Variants in TAF12 observed in about 807,000 individuals in gnomAD.
TAF12 encodes the protein TATA-box binding protein associated factor 12.
TAF12 carries 3 observed loss-of-function variants against 20.8 expected under a neutral mutation model. That is an observed-to-expected ratio of 0.14 (90% CI 0.07 to 0.37). The LOEUF (loss-of-function observed/expected upper bound fraction) is 0.37, where lower values mean the gene tolerates loss of function less well. Ranked by LOEUF, TAF12 falls within the 10% of genes least tolerant of loss-of-function variation. TAF12 has a pLI of 1.00. For missense variants in TAF12, 131 were observed against 197.9 expected (o/e 0.66, Z 2.03); for synonymous variants, 69 against 70.2 (o/e 0.98, Z 0.09).
chr1:28,632,772 T>C (rs1256769605), intron 1 of TAF12, among the ~76,000 whole-genome samples: 2 of 152,150 alleles, frequency 1.3e-5, no homozygotes, highest in African/African-American at 2.4e-5. Context: ...GTTCTGTATC[T>C]TGAGTGTTGT....
chr1:28,623,945 C>T lies in TAF12; in HGVS notation c.-84-1780G>A, dbSNP rs986780888. On this transcript the variant is annotated intron_variant, in intron 1 of 5. Transcript: ENST00000373824. The stretch of plus-strand genomic sequence containing the variant: ...CTCACAGTAGCCTCAAACTTACTTA[C>T]AGCTATCTGAGTGTCTAGATCTTTA... The T allele has an allele frequency of 1.7e-5, 17 of 985,650 alleles. No individual in the cohort carries two copies. The East Asian group carries it at 1.6e-3, about 92-fold the overall frequency. 61.1% of individuals were successfully genotyped at this position (985,650 alleles called of 1,614,324 possible). A position where few individuals can be genotyped will look rare whatever the true frequency, so the allele number is the denominator to read the frequency against.
chr1:28,625,485 C>T (rs1667349905), intron 1 of TAF12, among the ~76,000 whole-genome samples: 1 of 151,900 alleles, frequency 6.6e-6, no homozygotes, highest in Non-Finnish European at 1.5e-5. Flanking sequence ...ATCCTCCTGT[C>T]TCAACCTCTT....
intron 3 of TAF12, among the ~76,000 whole-genome samples, chr1:28,616,592 G>C (rs1210551577): frequency 1.3e-5 from 2 of 151,690 alleles, no homozygotes; most frequent in African/African-American, 2.4e-5. Flanking sequence ...AAATTAGCCA[G>C]GTGTGGTGGC....
rs138694612 is a variant in TAF12, at chr1:28,608,713, C to T, written c.362-3253G>A. On this transcript the variant is annotated intron_variant, in intron 4 of 5. Coordinates refer to ENST00000373824, the MANE Select transcript of TAF12 (RefSeq NM_005644.4). ...GAGGTTGCAGTGAGCGGAGATTGTG[C>T]CACTGCACTCCAGTCTGGGCGACAG... 4.0e-3 allele frequency among the ~76,000 whole-genome samples: 613 copies of T among 151,594 alleles called. 5 individuals are homozygous for T. The highest frequency in any genetic ancestry group is 0.014 in the African/African-American group (589 of 41,260).
intron 1 of TAF12, among the ~76,000 whole-genome samples, chr1:28,636,893 A>C (rs907904130): frequency 6.6e-6 from 1 of 152,120 alleles, no homozygotes; most frequent in African/African-American, 2.4e-5. Context: ...GAATGGCTTG[A>C]GCCTAGGAGT....
chr1:28,634,109 T>A (rs1667735088), intron 1 of TAF12, among the ~76,000 whole-genome samples: 1 of 150,866 alleles, frequency 6.6e-6, no homozygotes. Flanking sequence ...TAAATAAAAA[T>A]CAAAAACAAA....
intron 1 of TAF12, among the ~76,000 whole-genome samples, chr1:28,624,884 C>T (rs899303124): frequency 6.6e-6 from 1 of 152,160 alleles, no homozygotes; most frequent in African/African-American, 2.4e-5. Context: ...TGGCCAAGAA[C>T]CAGCTGATGG....
At chr1:28,615,914 C>A (rs1270878673) in intron 3 of TAF12, among the ~76,000 whole-genome samples, 1 of 151,968 alleles carries the variant, frequency 6.6e-6, no homozygotes, top group Non-Finnish European at 1.5e-5. Context: ...CAACTGTGTA[C>A]CTCTTTTCCC....
intron 2 of TAF12, among the ~76,000 whole-genome samples, chr1:28,620,576 C>T (rs543244357): frequency 1.1e-4 from 16 of 152,234 alleles, no homozygotes; most frequent in African/African-American, 3.1e-4. Context: ...GCTGGGACTA[C>T]AGGCGCCTGC....
At chr1:28,641,856 C>T (rs953804977) in intron 1 of TAF12, among the ~76,000 whole-genome samples, 1 of 150,336 alleles carries the variant, frequency 6.7e-6, no homozygotes, top group Non-Finnish European at 1.5e-5. Context: ...ATTCTAGAAG[C>T]ATTTAAGGAA....
In TAF12 at chr1:28,603,330, T is replaced by C. The variant is rs1342682439; in HGVS notation, c.*209A>G. ...GAAGATACATTGCTCCTCTTTGAGA[T>C]GGCAGGGAAAAGGGACCGGAAGTTG... On this transcript the variant is annotated 3_prime_UTR_variant, in exon 6 of 6. Coordinates refer to ENST00000373824, the MANE Select transcript of TAF12 (RefSeq NM_005644.4). 11 of 558,570 alleles carry C rather than the reference T, an allele frequency of 2.0e-5. No individual in the cohort carries two copies. The highest frequency in any genetic ancestry group is 3.5e-5 in the Non-Finnish European group (11 of 314,486). The allele number at this position is 558,570 out of a possible 1,614,324, so 34.6% of individuals were successfully genotyped here.
chr1:28,604,717 C>T (rs1042819874), intron 5 of TAF12, among the ~76,000 whole-genome samples: 7 of 152,168 alleles, frequency 4.6e-5, no homozygotes, highest in African/African-American at 1.7e-4. Flanking sequence ...GTTGTGCCTG[C>T]TAAGCTTGGA....
At chr1:28,628,010 T>C (rs1266219691) in intron 1 of TAF12, among the ~76,000 whole-genome samples, 3 of 151,928 alleles carry the variant, frequency 2.0e-5, no homozygotes, top group East Asian at 1.9e-4. Flanking sequence ...ACTCCTCCCA[T>C]TGAGCATTCA....
rs1279617278 is a variant in TAF12 at position 28,635,127 on chromosome 1, G to C, written c.-85+7865C>G. ...TGCCTGTAGTCCCAGCTACTCCGGA[G>C]GCTGAAGCAGGAGAATAGCGCGAAC... is the stretch of plus-strand genomic sequence containing the variant. On this transcript the variant is annotated intron_variant, in intron 1 of 5. Coordinates refer to ENST00000373824, the MANE Select transcript of TAF12 (RefSeq NM_005644.4). Among the ~76,000 whole-genome samples, 11 of 125,546 alleles carry C rather than the reference G, an allele frequency of 8.8e-5. No homozygotes were observed. The East Asian group carries it at 1.6e-3, about 18-fold the overall frequency. The allele number at this position is 125,546 out of a possible 152,430, so 82.4% of individuals were successfully genotyped here.
At chr1:28,640,178 T>G (rs1016857884) in intron 1 of TAF12, among the ~76,000 whole-genome samples, 17 of 152,296 alleles carry the variant, frequency 1.1e-4, no homozygotes, top group African/African-American at 4.1e-4. Flanking sequence ...AATCTAAAAT[T>G]AAATGTCTTT....
intron 1 of TAF12, among the ~76,000 whole-genome samples, chr1:28,639,051 CG>C (rs1667942038): frequency 6.6e-6 from 1 of 151,288 alleles, no homozygotes; most frequent in South Asian, 2.1e-4. Context: ...CTGGGATTAC[CG>C]GCGTGAGCCA....
intron 1 of TAF12, among the ~76,000 whole-genome samples, chr1:28,622,636 C>A (rs926323781): frequency 1.2e-4 from 18 of 152,086 alleles, no homozygotes; most frequent in African/African-American, 3.1e-4. Flanking sequence ...TGTCTGTAAT[C>A]CCAGCATGTT....
At chr1:28,616,340 G>T (rs1451193543) in intron 3 of TAF12, among the ~76,000 whole-genome samples, 2 of 150,266 alleles carry the variant, frequency 1.3e-5, no homozygotes, top group East Asian at 3.9e-4. Flanking sequence ...AGTTTGCAGT[G>T]AGCCGATATC....
At chr1:28,606,980 A>G (rs1666687603) in intron 4 of TAF12, among the ~76,000 whole-genome samples, 1 of 152,240 alleles carries the variant, frequency 6.6e-6, no homozygotes, top group South Asian at 2.1e-4. Context: ...AAGTATGTCC[A>G]CACCACAGTT....
Sources: gnomAD v4.1 joint callset for allele counts (sites outside exome capture counted in the v4.1 genomes callset) on GRCh38, gnomAD v4.1.1 for gene constraint, MANE v1.5 for transcripts, NCBI Gene and HGNC (gene_info 2026-07-23, HGNC 2026-07-21) for gene names.